Variants in RNF150 observed in about 807,000 individuals in gnomAD.
The protein encoded by RNF150 is ring finger protein 150.
A neutral mutation model predicts 39.3 loss-of-function variants in RNF150; 24 were observed. The ratio of observed to expected loss-of-function variants is 0.61; its 90% CI spans 0.44 to 0.86. The LOEUF is 0.86. Ranked by LOEUF, RNF150 falls within the 40% of genes least tolerant of loss-of-function variation. RNF150 has a pLI of 0.00. For synonymous variants in RNF150, 255 were observed against 227.3 expected (o/e 1.12, Z -1.10); for missense variants, 502 against 587.8 (o/e 0.85, Z 1.51).
At chr4:140,986,987 T>C (rs13143140) in intron 1 of RNF150, among the ~76,000 whole-genome samples, 1 of 151,856 alleles carries the variant, frequency 6.6e-6, no homozygotes, top group African/African-American at 2.4e-5. Context: ...ACCGTTCAAG[T>C]TGAGAGCCAA....
At chr4:141,161,103 T>C (rs1453425409) in intron 1 of RNF150, among the ~76,000 whole-genome samples, 5 of 152,124 alleles carry the variant, frequency 3.3e-5, no homozygotes, top group Admixed American at 1.3e-4. Context: ...CCCTAGAAAC[T>C]GGTTAAATGG....
intron 4 of RNF150, among the ~76,000 whole-genome samples, chr4:140,939,925 G>A (rs1578987443): frequency 6.6e-6 from 1 of 152,126 alleles, no homozygotes; most frequent in East Asian, 1.9e-4. Context: ...ATGTCACAGT[G>A]CCAGCACTCC....
intron 1 of RNF150, among the ~76,000 whole-genome samples, chr4:141,096,734 C>T (rs1225986157): frequency 6.6e-6 from 1 of 152,136 alleles, no homozygotes; most frequent in Non-Finnish European, 1.5e-5. Flanking sequence ...TTTATTTTTA[C>T]TCTGAACAAG....
At chr4:140,978,859 C>T (rs77680572) in intron 1 of RNF150, among the ~76,000 whole-genome samples, 6,655 of 152,078 alleles carry the variant, frequency 0.044, 207 homozygotes, top group African/African-American at 0.078. Flanking sequence ...TGAAATGAAA[C>T]AAATCATAGA....
chr4:141,018,785 A>C (rs1044727424), intron 1 of RNF150, among the ~76,000 whole-genome samples: 1 of 152,108 alleles, frequency 6.6e-6, no homozygotes, highest in Non-Finnish European at 1.5e-5. Flanking sequence ...TCACTTTCCT[A>C]GCATTCTGCA....
intron 1 of RNF150, among the ~76,000 whole-genome samples, chr4:141,034,824 C>T (rs1736081956): frequency 2.0e-5 from 3 of 152,092 alleles, no homozygotes; most frequent in Admixed American, 2.0e-4. Context: ...TGGTTTGCAG[C>T]ACCCCCAAAC....
intron 2 of RNF150, among the ~76,000 whole-genome samples, chr4:140,966,330 C>A (rs112679307): frequency 6.6e-6 from 1 of 151,760 alleles, no homozygotes; most frequent in Non-Finnish European, 1.5e-5. Flanking sequence ...ACACAGTGAG[C>A]GAGACTCCAT....
intron 6 of RNF150, among the ~76,000 whole-genome samples, chr4:140,900,113 ATTTTTCTTCCAAATTGTCCCC>A (rs1427720634): frequency 6.6e-6 from 1 of 152,104 alleles, no homozygotes; most frequent in Non-Finnish European, 1.5e-5. Flanking sequence ...TATTTCCAAA[ATTTTTCTTCCAAATTGTCCCC>A]TGAGGTTCAA....
At chr4:141,205,439 G>C (rs767353418) in intron 1 of RNF150, among the ~76,000 whole-genome samples, 13 of 152,144 alleles carry the variant, frequency 8.5e-5, no homozygotes, top group Non-Finnish European at 1.6e-4. Flanking sequence ...ATTGGGTTTG[G>C]AAAGGCAAAA....
intron 2 of RNF150, among the ~76,000 whole-genome samples, chr4:140,960,951 G>A (rs540769615): frequency 3.9e-5 from 6 of 152,128 alleles, no homozygotes; most frequent in African/African-American, 1.4e-4. Flanking sequence ...AAGCCTACGG[G>A]GCTGGCTTTA....
chr4:141,047,201 GA>G (rs1353882515), intron 1 of RNF150, among the ~76,000 whole-genome samples: 1 of 151,984 alleles, frequency 6.6e-6, no homozygotes, highest in Non-Finnish European at 1.5e-5. Flanking sequence ...AAAATATTTA[GA>G]AAGCTAGTTT....
chr4:141,084,541 T>A (rs1738278551), intron 1 of RNF150, among the ~76,000 whole-genome samples: 4 of 152,202 alleles, frequency 2.6e-5, no homozygotes, highest in Admixed American at 1.3e-4. Flanking sequence ...AAAAACACTT[T>A]TTTCCCCCAG....
At chr4:140,963,227 C>T (rs533645231) in intron 2 of RNF150, among the ~76,000 whole-genome samples, 72 of 151,954 alleles carry the variant, frequency 4.7e-4, no homozygotes, top group African/African-American at 1.3e-3. Flanking sequence ...AGAGAATTTG[C>T]GATAAAATTA....
At chr4:140,979,689 G>T (rs184934292) in intron 1 of RNF150, among the ~76,000 whole-genome samples, 1 of 151,974 alleles carries the variant, frequency 6.6e-6, no homozygotes, top group East Asian at 1.9e-4. Flanking sequence ...ATGAGCTTAT[G>T]GACAACTGAG....
chr4:140,952,266 C>T (rs1732570145), intron 2 of RNF150, among the ~76,000 whole-genome samples: 1 of 152,162 alleles, frequency 6.6e-6, no homozygotes, highest in Non-Finnish European at 1.5e-5. Flanking sequence ...CCCACCTCAT[C>T]CTCCCAAAGT....
At chr4:141,003,378 C>T (rs974692873) in intron 1 of RNF150, among the ~76,000 whole-genome samples, 1 of 152,164 alleles carries the variant, frequency 6.6e-6, no homozygotes, top group Non-Finnish European at 1.5e-5. Flanking sequence ...AACTACAACC[C>T]TTGCACACAA....
chr4:141,206,237 G>A (rs531145143), intron 1 of RNF150, among the ~76,000 whole-genome samples: 5 of 151,984 alleles, frequency 3.3e-5, no homozygotes, highest in African/African-American at 1.2e-4. Flanking sequence ...TGGCCAACAT[G>A]GTGAAACCTC....
At chr4:140,946,933 G>C (rs2111370613) in intron 4 of RNF150, among the ~76,000 whole-genome samples, 1 of 152,282 alleles carries the variant, frequency 6.6e-6, no homozygotes, top group East Asian at 1.9e-4. Context: ...GTCAGTGAAG[G>C]AGGATGGATT....
At chr4:140,940,834 G>C (rs1308860252) in intron 4 of RNF150, among the ~76,000 whole-genome samples, 3 of 152,184 alleles carry the variant, frequency 2.0e-5, no homozygotes, top group Non-Finnish European at 4.4e-5. Context: ...GTGCTACTCT[G>C]GGCCATTCTG....
Sources: gnomAD v4.1 joint callset for allele counts (sites outside exome capture counted in the v4.1 genomes callset) on GRCh38, gnomAD v4.1.1 for gene constraint, MANE v1.5 for transcripts, NCBI Gene and HGNC (gene_info 2026-07-23, HGNC 2026-07-21) for gene names.